PARPBP: variants seen among roughly 807,000 people sequenced by gnomAD.
PARPBP encodes PCNA-interacting partner.
In PARPBP, 52 loss-of-function variants were observed where a neutral mutation model predicts 50.0. The ratio of observed to expected loss-of-function variants is 1.04; its 90% CI spans 0.83 to 1.31. The LOEUF is 1.31. Among genes scored for constraint, PARPBP ranks in the 50% most tolerant of loss-of-function variants. The pLI is 0.00. For synonymous variants in PARPBP, 244 were observed against 232.1 expected (o/e 1.05, Z -0.47); for missense variants, 697 against 672.0 (o/e 1.04, Z -0.41).
At chr12:102,185,776 C>T (rs1008694602) in intron 9 of PARPBP, among the ~76,000 whole-genome samples, 1 of 152,032 alleles carries the variant, frequency 6.6e-6, no homozygotes, top group Admixed American at 6.6e-5. Context: ...GTCTCATCCT[C>T]CCAAGTAGCT....
At position 102,171,409 on chromosome 12, in the gene PARPBP, T is replaced by G. The variant is rs556038294; in HGVS notation, c.822-4074T>G. Among the ~76,000 whole-genome samples, 3 of 152,232 alleles carry G rather than the reference T, an allele frequency of 2.0e-5. No individual in the cohort carries two copies. The South Asian group carries it at 6.2e-4, about 32-fold the overall frequency. ...GGCAATAGGAATTTTTCAGCTCCAT[T>G]ATAATATTATGGGACTACCATCATA... is the stretch of plus-strand genomic sequence containing the variant. On this transcript the variant is annotated intron_variant, in intron 6 of 10. Transcript: ENST00000327680.
rs556121281 is a variant in PARPBP at position 102,178,516 on chromosome 12, C to T, written c.1006-76C>T. ...CAATAGATGAAAGAGGCCAGTGCCA[C>T]AGGGAATTTAAAAGTATGGCCATTC... On this transcript the variant is annotated intron_variant, in intron 7 of 10. Transcript: ENST00000327680. The T allele has an allele frequency of 1.6e-5, 14 of 854,472 alleles. No homozygotes were observed. The Admixed American group carries it at 3.4e-4, about 21-fold the overall frequency. 52.9% of individuals were successfully genotyped at this position (854,472 alleles called of 1,614,324 possible).
At chr12:102,177,929 A>G (rs7308354) in intron 7 of PARPBP, among the ~76,000 whole-genome samples, 28,254 of 152,128 alleles carry the variant, frequency 0.19, 2,684 homozygotes, top group Non-Finnish European at 0.21. Context: ...CCTCTGTGGA[A>G]TCATCTTTGA....
chr12:102,120,422 G>C (rs1880813282), intron 1 of PARPBP, 136 bp downstream of exon 1: 1 of 456,224 alleles, frequency 2.2e-6, no homozygotes, highest in African/African-American at 2.0e-5. Flanking sequence ...ATGGTGCAGT[G>C]ACTTGACGCT....
chr12:102,193,187 G>C (rs1040160032), intron 9 of PARPBP, among the ~76,000 whole-genome samples: 1 of 151,714 alleles, frequency 6.6e-6, no homozygotes, highest in Non-Finnish European at 1.5e-5. Flanking sequence ...CGCTTATTTT[G>C]TGACTATTTG....
intron 2 of PARPBP, among the ~76,000 whole-genome samples, chr12:102,147,340 G>T (rs1388798615): frequency 6.6e-6 from 1 of 152,046 alleles, no homozygotes; most frequent in Non-Finnish European, 1.5e-5. Context: ...TGATAGACTG[G>T]ATTAAGAAAA....
chr12:102,122,230 T>C (rs1000264422), intron 1 of PARPBP, among the ~76,000 whole-genome samples: 5 of 152,374 alleles, frequency 3.3e-5, no homozygotes, highest in Admixed American at 1.3e-4. Context: ...TTCTTTTTTC[T>C]TTCAAGAGAT....
At position 102,175,629 on chromosome 12, in the gene PARPBP, T is replaced by G. The variant is rs768569280; in HGVS notation, c.968T>G (p.Val323Gly). The G allele has an allele frequency of 4.3e-6, 7 of 1,613,458 alleles. No individual in the cohort carries two copies. The highest frequency in any genetic ancestry group is 1.7e-5 in the Admixed American group (1 of 60,000). The change falls in exon 7 of 11, where the codon GTT becomes GGT. Residue 323 changes from valine to glycine, a missense_variant. Physicochemically the swap from Val to Gly is moderately radical, Grantham distance 109 (BLOSUM62 -3). Transcript: ENST00000327680. ...IKNIINSQEG[V>G]VALSTTDISP... ...AATATTATCAATTCTCAAGAAGGTG[T>G]TGTAGCTCTTAGCACCACTGACATC...
Position 102,124,006 on chromosome 12 carries a change from G to C in PARPBP, c.118G>C (p.Ala40Pro). The change falls in exon 2 of 11, where the codon GCA (alanine) becomes CCA (proline). Residue 40 changes from alanine (A) to proline (P), a missense_variant. By Grantham distance (27) the Ala-to-Pro change is conservative (BLOSUM62 -1). Coordinates refer to ENST00000327680, the MANE Select transcript of PARPBP (RefSeq NM_017915.5). The stretch of plus-strand genomic sequence containing the variant: ...ATGTGGTGCAGACTCCATGCTCTTG[G>C]CATTGCAGCTTTCTATGGCGGAGAA... The part of the protein sequence containing the change: ...TLCGADSMLL[A>P]LQLSMAENNK... 6.5e-7 allele frequency: 1 copy of C among 1,535,324 alleles called. No individual in the cohort carries two copies. Among genetic ancestry groups the C allele is most frequent in the African/African-American group, 1.4e-5 (1 of 73,130 alleles).
Position 102,148,423 on chromosome 12 carries a change from C to G in PARPBP, c.347C>G (p.Ala116Gly). Residue 116 changes from alanine (A) to glycine (G), a missense_variant, in exon 3 of 11, where the codon GCT becomes GGT. Coordinates refer to ENST00000327680, the MANE Select transcript of PARPBP (RefSeq NM_017915.5). ...ATTGATGTTTATCAAAAATGTAGGGCTTTGACTTCTAATTGTGAAAATTAT... is the reference window on the plus strand; with the variant it reads ...ATTGATGTTTATCAAAAATGTAGGGGTTTGACTTCTAATTGTGAAAATTAT... ...DLIDVYQKCR[A>G]LTSNCENYNT... 7.9e-6 allele frequency: 12 copies of G among 1,517,900 alleles called. No homozygotes were observed. The highest frequency in any genetic ancestry group is 1.1e-5 in the Non-Finnish European group (12 of 1,096,618). 94.0% of individuals were successfully genotyped at this position (1,517,900 alleles called of 1,614,324 possible).
At chr12:102,190,872 AAGT>A in intron 9 of PARPBP, among the ~76,000 whole-genome samples, 1 of 152,106 alleles carries the variant, frequency 6.6e-6, no homozygotes, top group African/African-American at 2.4e-5. Flanking sequence ...GGCCTAAGGA[AAGT>A]GGGGTTCCTT....
chr12:102,131,855 G>A (rs1882901366), intron 2 of PARPBP, among the ~76,000 whole-genome samples: 1 of 152,184 alleles, frequency 6.6e-6, no homozygotes, highest in African/African-American at 2.4e-5. Context: ...GTGGGAGGAG[G>A]GAGAGGATCA....
intron 2 of PARPBP, among the ~76,000 whole-genome samples, chr12:102,129,682 T>A (rs988786003): frequency 6.6e-6 from 1 of 152,218 alleles, no homozygotes; most frequent in African/African-American, 2.4e-5. Flanking sequence ...CTGATTTCTT[T>A]GAGCAGTGTT....
chr12:102,137,491 C>T (rs1883820778), intron 2 of PARPBP, among the ~76,000 whole-genome samples: 1 of 151,074 alleles, frequency 6.6e-6, no homozygotes, highest in South Asian at 2.1e-4. Context: ...TATAATGCCT[C>T]TCTAGCAGTT....
At chr12:102,190,638 C>T (rs1890710686) in intron 9 of PARPBP, among the ~76,000 whole-genome samples, 1 of 152,106 alleles carries the variant, frequency 6.6e-6, no homozygotes, top group Non-Finnish European at 1.5e-5. Flanking sequence ...TAAAGGAGGT[C>T]ATGGTTTCCT....
chr12:102,126,922 T>C (rs1882086223), intron 2 of PARPBP, among the ~76,000 whole-genome samples: 2 of 152,236 alleles, frequency 1.3e-5, no homozygotes. Flanking sequence ...CTCTCACATG[T>C]TCCTTTAATA....
intron 2 of PARPBP, among the ~76,000 whole-genome samples, chr12:102,125,207 A>G (rs1044352426): frequency 1.3e-5 from 2 of 152,202 alleles, no homozygotes; most frequent in African/African-American, 2.4e-5. Flanking sequence ...CAGTAATGAA[A>G]GAAGTCACTT....
At chr12:102,170,011 A>G (rs537978478) in intron 6 of PARPBP, among the ~76,000 whole-genome samples, 103 of 152,352 alleles carry the variant, frequency 6.8e-4, no homozygotes, top group African/African-American at 2.3e-3. Flanking sequence ...GGTGGAATAG[A>G]CAGACTGGGA....
intron 2 of PARPBP, among the ~76,000 whole-genome samples, chr12:102,144,009 G>A (rs1333921959): frequency 3.3e-5 from 5 of 152,102 alleles, no homozygotes; most frequent in Admixed American, 3.3e-4. Flanking sequence ...ACTTTAAATA[G>A]GAGAAGAGAA....
Sources: allele counts gnomAD v4.1 joint callset (sites outside exome capture counted in the v4.1 genomes callset), GRCh38; gene constraint gnomAD v4.1.1; transcripts MANE v1.5; gene names NCBI Gene and HGNC (gene_info 2026-07-23, HGNC 2026-07-21).